Variants in RBM5 observed in about 807,000 individuals in gnomAD.
The protein encoded by RBM5 is RNA binding motif protein 5.
A neutral mutation model predicts 124.6 loss-of-function variants in RBM5; 15 were observed. The ratio of observed to expected loss-of-function variants is 0.12; its 90% CI spans 0.08 to 0.19. The LOEUF is 0.19. Among genes scored for constraint, RBM5 ranks in the 10% least tolerant of loss-of-function variants. RBM5 has a pLI of 1.00. For missense variants in RBM5, 580 were observed against 1,026.5 expected, an observed-to-expected ratio of 0.57 and a Z score of 5.94; for synonymous variants, 337 against 361.2, an observed-to-expected ratio of 0.93 and a Z score of 0.76.
At chr3:50,099,070 C>T (rs1364933873) in intron 4 of RBM5, among the ~76,000 whole-genome samples, 1 of 152,018 alleles carries the variant, frequency 6.6e-6, no homozygotes, top group Non-Finnish European at 1.5e-5. Context: ...GCCTGGGCAA[C>T]GTGGCAAAAC....
At chr3:50,107,662 C>CTTT in intron 12 of RBM5, 93 bp downstream of exon 12, 1 of 171,152 alleles carries the variant, frequency 5.8e-6, no homozygotes, top group Non-Finnish European at 1.1e-5. Flanking sequence ...AGTATGAGCT[C>CTTT]TTTTCTTTTC....
chr3:50,099,953 A>T, intron 4 of RBM5, 29 bp from the exon 5 acceptor site: 1 of 1,599,782 alleles, frequency 6.3e-7, no homozygotes, highest in Non-Finnish European at 8.5e-7. Context: ...CAAAAGCTTT[A>T]ACTGTAAATA....
Position 50,108,111 on chromosome 3 carries a change from G to A in RBM5, c.1083G>A (p.Leu361=). The change falls in exon 13 of 25, where the codon CTG becomes CTA. Residue 361 remains leucine, a synonymous_variant. Coordinates refer to ENST00000347869, the MANE Select transcript of RBM5 (RefSeq NM_005778.4). ...GEGGSVDYSY[L]QPGQDGYAQY... The stretch of plus-strand genomic sequence containing the variant: ...GAGGCAGTGTTGACTACAGTTATCT[G>A]CAACCAGGTCAAGATGGCTATGCCC... 1 of 1,611,894 alleles carries A rather than the reference G, an allele frequency of 6.2e-7. No individual in the cohort carries two copies. The highest frequency in any genetic ancestry group is 1.1e-5 in the South Asian group (1 of 91,052).
At chr3:50,110,322 T>G in intron 15 of RBM5, 57 bp from the exon 16 acceptor site, 1 of 1,467,572 alleles carries the variant, frequency 6.8e-7, no homozygotes, top group Non-Finnish European at 9.5e-7. Context: ...TGCAGTGATT[T>G]AGCTCTCTTA....
At position 50,118,311 on chromosome 3, in the gene RBM5, C is replaced by T; in HGVS notation, c.2323-20C>T. 2 of 1,613,752 alleles carry T rather than the reference C, an allele frequency of 1.2e-6. No homozygotes were observed. Among genetic ancestry groups the T allele is most frequent in the Non-Finnish European group, 1.7e-6 (2 of 1,179,736 alleles). On this transcript the variant is annotated intron_variant, in intron 24 of 24. Coordinates refer to ENST00000347869, the MANE Select transcript of RBM5 (RefSeq NM_005778.4). ...AGCCCATACCCTACCTCCCAGCTGA[C>T]AGTCTCTGTGCTTTCCCAGGCTCAA...
In RBM5 at chr3:50,100,001, C is replaced by G; in HGVS notation, c.359C>G (p.Ser120Cys). 1 of 1,613,802 alleles carries G rather than the reference C, an allele frequency of 6.2e-7. No homozygotes were observed. The highest frequency in any genetic ancestry group is 8.5e-7 in the Non-Finnish European group (1 of 1,179,890). Reference protein sequence around the residue: ...TESDIREMMESFEGPQPADVR... With the variant: ...TESDIREMMECFEGPQPADVR... ...GTGCAGATTCGAGAAATGATGGAGT[C>G]CTTCGAAGGCCCTCAGCCTGCGGAT... The change falls in exon 5 of 25, where the codon TCC becomes TGC. Residue 120 changes from serine to cysteine, a missense_variant. Coordinates refer to ENST00000347869, the MANE Select transcript of RBM5 (RefSeq NM_005778.4). The surrounding 1 kb of genome is among the most constrained non-coding windows in gnomAD (Gnocchi z 5.1).
chr3:50,092,290 A>G (rs963782579), intron 3 of RBM5, 82 bp downstream of exon 3: 3 of 1,447,284 alleles, frequency 2.1e-6, no homozygotes, highest in Non-Finnish European at 2.8e-6. Context: ...AGCCAGGTCC[A>G]GTGGCCCCTT....
At chr3:50,094,018 G>T in intron 4 of RBM5, 143 bp downstream of exon 4, 29 of 796,344 alleles carry the variant, frequency 3.6e-5, no homozygotes, top group East Asian at 2.2e-4. Flanking sequence ...GACCAGAACT[G>T]TTTTGATATT....
intron 3 of RBM5, 89 bp downstream of exon 3, chr3:50,092,297 C>T: frequency 7.1e-7 from 1 of 1,405,748 alleles, no homozygotes. Context: ...TCCAGTGGCC[C>T]CTTCCCATAA....
rs373361150 is a variant in RBM5, at chr3:50,100,074, ATAT to A, written c.409+28_409+30del. 1.9e-6 allele frequency: 3 copies of A among 1,607,728 alleles called. No individual in the cohort carries two copies. Among genetic ancestry groups the A allele is most frequent in the Non-Finnish European group, 2.6e-6 (3 of 1,175,686 alleles). On this transcript the variant is annotated intron_variant, in intron 5 of 24. Transcript: ENST00000347869. This position sits in a 1 kb window ranked among gnomAD's most constrained non-coding sequence, Gnocchi z 5.1. ...CAGGTGAGAGCTTGCTTAGTTCCTG[ATAT>A]TATTGTTCTCTTCCCCATTCCCACC...
chr3:50,116,121 T>A, intron 22 of RBM5, 141 bp downstream of exon 22: 1 of 774,614 alleles, frequency 1.3e-6, no homozygotes, highest in Non-Finnish European at 2.2e-6. Context: ...GTAGTTCATG[T>A]AGCCTAGACC....
In RBM5 at chr3:50,117,600, G is replaced by A. The variant is rs1451150017; in HGVS notation, c.2322+221G>A. ...GTTTGAGACCAGCCTGGGCAACACG[G>A]TGAAACCCCGTCTCTACTAAAATAC... On this transcript the variant is annotated intron_variant, in intron 24 of 24. Coordinates refer to ENST00000347869, the MANE Select transcript of RBM5 (RefSeq NM_005778.4). The surrounding 1 kb of genome is among the most constrained non-coding windows in gnomAD (Gnocchi z 4.2). The A allele has an allele frequency of 6.1e-6, 3 of 490,032 alleles. No homozygotes were observed. Among genetic ancestry groups the A allele is most frequent in the East Asian group, 3.5e-5 (1 of 28,366 alleles). The allele number at this position is 490,032 out of a possible 1,614,324, so 30.4% of individuals were successfully genotyped here. A position where few individuals can be genotyped will look rare whatever the true frequency, so the allele number is the denominator to read the frequency against.
intron 2 of RBM5, among the ~76,000 whole-genome samples, chr3:50,091,587 T>C (rs2108983497): frequency 6.6e-6 from 1 of 152,322 alleles, no homozygotes; most frequent in Non-Finnish European, 1.5e-5. Context: ...TCCAGGTTTT[T>C]GGTCCATTTT....
Position 50,100,333 on chromosome 3 carries a change from A to G in RBM5, c.410-199A>G. ...ATGGTTACTTTAAGCGTGGAATCAA[A>G]TGGAGTGGCATTTAGTTCAGGCGGC... is the stretch of plus-strand genomic sequence containing the variant. On this transcript the variant is annotated intron_variant, in intron 5 of 24. Transcript: ENST00000347869. The surrounding 1 kb of genome is among the most constrained non-coding windows in gnomAD (Gnocchi z 5.1). The G allele has an allele frequency of 3.6e-6, 2 of 561,590 alleles. No homozygotes were observed. The highest frequency in any genetic ancestry group is 5.6e-5 in the South Asian group (2 of 35,788). 34.8% of individuals were successfully genotyped at this position (561,590 alleles called of 1,614,324 possible).
intron 1 of RBM5, among the ~76,000 whole-genome samples, chr3:50,089,422 G>T (rs908536979): frequency 6.6e-6 from 1 of 152,212 alleles, no homozygotes; most frequent in African/African-American, 2.4e-5. Flanking sequence ...TTCGGTGATC[G>T]CCCATCTGCG....
In RBM5 at chr3:50,105,543, C is replaced by T. The variant is rs1417978308; in HGVS notation, c.695-6C>T. On this transcript the variant is annotated splice_region_variant and splice_polypyrimidine_tract_variant and intron_variant, in intron 9 of 24. Transcript: ENST00000347869. The stretch of plus-strand genomic sequence containing the variant: ...TGTGTATGTCATTTGTCTCATTTAC[C>T]CCTAGCGATCATTCTTCGGAACATA... 1.9e-6 allele frequency: 3 copies of T among 1,612,392 alleles called. No individual in the cohort carries two copies. The highest frequency in any genetic ancestry group is 2.2e-5 in the South Asian group (2 of 90,848).
At chr3:50,091,852 A>C in intron 2 of RBM5, 191 bp from the exon 3 acceptor site, 1 of 642,182 alleles carries the variant, frequency 1.6e-6, no homozygotes, top group Non-Finnish European at 2.8e-6. Context: ...GAGAATTATC[A>C]TTACATTTAG....
intron 8 of RBM5, 92 bp from the exon 9 acceptor site, chr3:50,104,985 G>T: frequency 1.0e-6 from 1 of 986,504 alleles, no homozygotes; most frequent in Non-Finnish European, 1.6e-6. Flanking sequence ...TGTTTTGTGT[G>T]GTTAAAATAA....
rs751469904 is a variant in RBM5, at chr3:50,117,423, C to T, written c.2322+44C>T. The T allele has an allele frequency of 1.2e-6, 2 of 1,608,850 alleles. No individual in the cohort carries two copies. The highest frequency in any genetic ancestry group is 1.7e-5 in the Admixed American group (1 of 59,904). The stretch of plus-strand genomic sequence containing the variant: ...TCTTGATGTTTGCCAGGCTTACAGG[C>T]CGGTTCCAGAGATGAGATCAGAGCA... On this transcript the variant is annotated intron_variant, in intron 24 of 24. Transcript: ENST00000347869. The surrounding 1 kb of genome is among the most constrained non-coding windows in gnomAD (Gnocchi z 4.2).
Sources: allele counts gnomAD v4.1 joint callset (sites outside exome capture counted in the v4.1 genomes callset), GRCh38; gene constraint gnomAD v4.1.1; non-coding constraint Gnocchi (gnomAD v3.1); transcripts MANE v1.5; gene names NCBI Gene and HGNC (gene_info 2026-07-23, HGNC 2026-07-21).